The following KAZN variants were observed in gnomAD, a reference collection of about 807,000 sequenced individuals.
KAZN encodes the protein kazrin.
KAZN carries 40 observed loss-of-function variants against 87.4 expected under a neutral mutation model. The observed-to-expected ratio is 0.46, with a 90% CI of 0.36 to 0.60. The LOEUF (loss-of-function observed/expected upper bound fraction) is 0.60. Among genes scored for constraint, KAZN ranks in the 20% least tolerant of loss-of-function variants. The pLI, the probability that KAZN is intolerant of heterozygous loss-of-function variation, is 0.00. For missense variants in KAZN, 898 were observed against 1,073.9 expected, an observed-to-expected ratio of 0.84 and a Z score of 2.29; for synonymous variants, 466 against 458.3, an observed-to-expected ratio of 1.02 and a Z score of -0.22.
chr1:14,221,232 T>C (rs2027315), intron 2 of KAZN, among the ~76,000 whole-genome samples: 46,364 of 152,032 alleles, frequency 0.3, 7,256 homozygotes, highest in East Asian at 0.48. Flanking sequence ...TTAGACTCAG[T>C]GCTTGACCTT....
chr1:15,051,058 G>A (rs12138732), intron 4 of KAZN, among the ~76,000 whole-genome samples: 8,596 of 152,302 alleles, frequency 0.056, 257 homozygotes, highest in Middle Eastern at 0.14. Flanking sequence ...CTCAGTGCCC[G>A]TTTGGCGCAG....
At chr1:14,244,456 T>C (rs1489101413) in intron 2 of KAZN, among the ~76,000 whole-genome samples, 2 of 152,338 alleles carry the variant, frequency 1.3e-5, no homozygotes, top group East Asian at 3.9e-4. Flanking sequence ...ATTTATTCAT[T>C]TGAGTGATGT....
chr1:14,360,168 T>A (rs961058138), intron 2 of KAZN, among the ~76,000 whole-genome samples: 32 of 152,196 alleles, frequency 2.1e-4, no homozygotes, highest in African/African-American at 7.5e-4. Flanking sequence ...AGTCTTGTCT[T>A]CAAACTTTAT....
At chr1:14,957,449 T>G (rs1365602388) in intron 1 of KAZN, among the ~76,000 whole-genome samples, 1 of 152,182 alleles carries the variant, frequency 6.6e-6, no homozygotes, top group South Asian at 2.1e-4. Flanking sequence ...TTTCCAGCGC[T>G]GAAGACCCAA....
intron 1 of KAZN, among the ~76,000 whole-genome samples, chr1:14,066,539 T>C (rs1643016785): frequency 1.3e-5 from 2 of 152,186 alleles, no homozygotes; most frequent in Non-Finnish European, 2.9e-5. Flanking sequence ...GAGAACAATC[T>C]GTTCATTTTA....
In KAZN at chr1:14,003,004, C is replaced by T. The variant is rs756639351; in HGVS notation, c.91+109248C>T. Among the ~76,000 whole-genome samples, 96 of 152,240 alleles carry T rather than the reference C, an allele frequency of 6.3e-4. No individual in the cohort carries two copies. In the Middle Eastern group the frequency reaches 0.024, roughly 38 times the overall value. On this transcript the variant is annotated intron_variant, in intron 1 of 16. Transcript: ENST00000636203. ...ATAAAGAAAATGTGGTACATATATG[C>T]CATGGAATACTATGCAGCCATAAAA...
intron 2 of KAZN, among the ~76,000 whole-genome samples, chr1:14,226,853 G>A (rs895658223): frequency 4.8e-5 from 2 of 41,970 alleles, no homozygotes; most frequent in East Asian, 9.4e-4. Flanking sequence ...CATCGTGTAC[G>A]CATGGACACA....
intron 2 of KAZN, among the ~76,000 whole-genome samples, chr1:14,443,597 G>A (rs1487252134): frequency 6.6e-6 from 1 of 152,184 alleles, no homozygotes; most frequent in Non-Finnish European, 1.5e-5. Context: ...GTACAATTAT[G>A]GTGTTAACTG....
intron 1 of KAZN, among the ~76,000 whole-genome samples, chr1:14,010,294 A>G (rs1272961859): frequency 6.6e-6 from 1 of 152,212 alleles, no homozygotes; most frequent in African/African-American, 2.4e-5. Flanking sequence ...GTCTTACTAT[A>G]TAAAACCTCT....
intron 1 of KAZN, among the ~76,000 whole-genome samples, chr1:14,092,460 T>TTATA (rs749892358): frequency 6.7e-6 from 1 of 149,902 alleles, no homozygotes; most frequent in Non-Finnish European, 1.5e-5. Flanking sequence ...AATAAATAAA[T>TTATA]TATATATATA....
At chr1:14,459,258 CGCGTGT>C (rs1006172415) in intron 2 of KAZN, among the ~76,000 whole-genome samples, 6 of 124,068 alleles carry the variant, frequency 4.8e-5, no homozygotes, top group African/African-American at 1.6e-4. Context: ...GGTGTGTGTG[CGCGTGT>C]GTGTGTGTGT....
chr1:14,791,872 G>T (rs1407867366), intron 1 of KAZN, among the ~76,000 whole-genome samples: 1 of 152,230 alleles, frequency 6.6e-6, no homozygotes, highest in Non-Finnish European at 1.5e-5. Flanking sequence ...AGCGGCTGCG[G>T]GATGACTGTT....
At chr1:14,816,329 C>T (rs1046651299) in intron 1 of KAZN, among the ~76,000 whole-genome samples, 4 of 152,300 alleles carry the variant, frequency 2.6e-5, no homozygotes, top group African/African-American at 9.6e-5. Flanking sequence ...ATCCTTGTGA[C>T]ATTGGCTAGG....
At chr1:14,798,177 C>T (rs1238861655) in intron 1 of KAZN, among the ~76,000 whole-genome samples, 1 of 152,146 alleles carries the variant, frequency 6.6e-6, no homozygotes, top group Non-Finnish European at 1.5e-5. Context: ...CATGCTGAGC[C>T]TGGCACTGGA....
intron 1 of KAZN, among the ~76,000 whole-genome samples, chr1:14,129,890 A>G (rs1181818468): frequency 6.6e-6 from 1 of 152,336 alleles, no homozygotes; most frequent in East Asian, 1.9e-4. Context: ...TGCCTGATGG[A>G]TGAAACTCGT....
chr1:14,393,591 G>A (rs142615133), intron 2 of KAZN, among the ~76,000 whole-genome samples: 1 of 152,164 alleles, frequency 6.6e-6, no homozygotes, highest in East Asian at 1.9e-4. Flanking sequence ...TATTCCAGGG[G>A]ACACATTTGC....
intron 2 of KAZN, among the ~76,000 whole-genome samples, chr1:14,553,831 G>A (rs114919242): frequency 7.1e-4 from 108 of 152,276 alleles, no homozygotes; most frequent in Middle Eastern, 3.4e-3. Flanking sequence ...CTGGTGGAGC[G>A]TTTTGAAATG....
chr1:14,173,593 C>T (rs185992463), intron 1 of KAZN, among the ~76,000 whole-genome samples: 2,130 of 152,290 alleles, frequency 0.014, 17 homozygotes, highest in Non-Finnish European at 0.024. Context: ...GCTAACCTCT[C>T]TTTTTCAGCT....
At chr1:15,087,775 G>A (rs182750057) in intron 8 of KAZN, among the ~76,000 whole-genome samples, 1 of 152,328 alleles carries the variant, frequency 6.6e-6, no homozygotes, top group East Asian at 1.9e-4. Flanking sequence ...AGAGCAGTCT[G>A]GACAGTAAGT....
Sources: allele counts gnomAD v4.1 joint callset (sites outside exome capture counted in the v4.1 genomes callset), GRCh38; gene constraint gnomAD v4.1.1; transcripts MANE v1.5; gene names NCBI Gene and HGNC (gene_info 2026-07-23, HGNC 2026-07-21).